Variants in ATXN1 observed in about 807,000 individuals in gnomAD.
ATXN1 encodes the protein ataxin-1.
A neutral mutation model predicts 56.4 loss-of-function variants in ATXN1; 8 were observed. The ratio of observed to expected loss-of-function variants is 0.14; its 90% CI spans 0.08 to 0.26. ATXN1 has a LOEUF of 0.26. ATXN1 is among the 10% of genes least tolerant of loss of function. The pLI is 1.00. For synonymous variants in ATXN1, 514 were observed against 494.6 expected, an observed-to-expected ratio of 1.04 and a Z score of -0.52; for missense variants, 987 against 1,106.5, an observed-to-expected ratio of 0.89 and a Z score of 1.53.
intron 2 of ATXN1, among the ~76,000 whole-genome samples, chr6:16,704,264 C>G (rs1227865818): frequency 3.9e-5 from 6 of 152,142 alleles, no homozygotes. Context: ...TACTCGGGTG[C>G]AAGAGCAATG....
intron 3 of ATXN1, among the ~76,000 whole-genome samples, chr6:16,622,299 G>A (rs1381282140): frequency 3.9e-5 from 6 of 152,178 alleles, no homozygotes; most frequent in African/African-American, 7.2e-5. Context: ...TGCATTAAAC[G>A]GTAAGGAGCT....
intron 6 of ATXN1, among the ~76,000 whole-genome samples, chr6:16,379,047 T>C (rs564640432): frequency 4.6e-5 from 7 of 152,190 alleles, no homozygotes; most frequent in Non-Finnish European, 1.0e-4. Flanking sequence ...AAAGGAACTG[T>C]GGTACATATA....
intron 2 of ATXN1, among the ~76,000 whole-genome samples, chr6:16,748,473 T>C (rs1305591584): frequency 6.6e-6 from 1 of 152,166 alleles, no homozygotes; most frequent in African/African-American, 2.4e-5. Context: ...TTCTATCACT[T>C]AACAGCTGGG....
At chr6:16,594,948 T>C (rs997996287) in intron 3 of ATXN1, among the ~76,000 whole-genome samples, 6 of 152,198 alleles carry the variant, frequency 3.9e-5, no homozygotes, top group Non-Finnish European at 5.9e-5. Flanking sequence ...ATGACTTAGA[T>C]TGGACTGAGG....
At chr6:16,430,735 G>C (rs978948568) in intron 6 of ATXN1, among the ~76,000 whole-genome samples, 3 of 151,872 alleles carry the variant, frequency 2.0e-5, no homozygotes, top group African/African-American at 7.3e-5. Flanking sequence ...GCGTGTGTGT[G>C]TGTGTGTATG....
At chr6:16,716,920 C>A (rs1759653057) in intron 2 of ATXN1, among the ~76,000 whole-genome samples, 1 of 152,200 alleles carries the variant, frequency 6.6e-6, no homozygotes, top group Non-Finnish European at 1.5e-5. Context: ...ATGTCCATCC[C>A]AAAGCCTCTA....
intron 6 of ATXN1, among the ~76,000 whole-genome samples, chr6:16,464,703 C>A (rs780735752): frequency 1.3e-5 from 2 of 150,832 alleles, no homozygotes; most frequent in Non-Finnish European, 2.9e-5. Flanking sequence ...CTGTATGATT[C>A]CAACTTTATG....
At chr6:16,680,689 G>T (rs1393896018) in intron 2 of ATXN1, among the ~76,000 whole-genome samples, 1 of 152,142 alleles carries the variant, frequency 6.6e-6, no homozygotes, top group Non-Finnish European at 1.5e-5. Flanking sequence ...GTTTTTCACT[G>T]TTATATACAA....
Position 16,327,930 on chromosome 6 carries a change from G to A in ATXN1, c.381C>T (p.Phe127=), listed in dbSNP as rs1410967835. The part of the protein sequence containing the change: ...PVQYAHLPHT[F]QFIGSSQYSG... ...TGTATTGGGAGGACCCAATGAACTG[G>A]AAGGTGTGCGGCAGGTGAGCGTACT... The change falls in exon 7 of 8, where the codon TTC becomes TTT. Residue 127 remains phenylalanine, a synonymous_variant. Transcript: ENST00000436367. 1 of 1,611,414 alleles carries A rather than the reference G, an allele frequency of 6.2e-7. No individual in the cohort carries two copies. The highest frequency in any genetic ancestry group is 8.5e-7 in the Non-Finnish European group (1 of 1,179,924).
chr6:16,342,741 C>G (rs1761281923), intron 6 of ATXN1, among the ~76,000 whole-genome samples: 1 of 152,210 alleles, frequency 6.6e-6, no homozygotes, highest in Non-Finnish European at 1.5e-5. Context: ...GATAAATCTT[C>G]AAACATTATG....
chr6:16,428,903 T>A (rs1173538592), intron 6 of ATXN1, among the ~76,000 whole-genome samples: 1 of 152,168 alleles, frequency 6.6e-6, no homozygotes, highest in Non-Finnish European at 1.5e-5. Context: ...GGATGGGAGC[T>A]GGGCCCTGAA....
intron 5 of ATXN1, among the ~76,000 whole-genome samples, chr6:16,505,036 A>C (rs189032232): frequency 7.1e-6 from 1 of 141,746 alleles, no homozygotes; most frequent in Non-Finnish European, 1.5e-5. Flanking sequence ...TCTATTTTCC[A>C]ACTGGGATCA....
At chr6:16,569,568 TCTC>T (rs1418612090) in intron 4 of ATXN1, among the ~76,000 whole-genome samples, 1 of 148,312 alleles carries the variant, frequency 6.7e-6, no homozygotes, top group Non-Finnish European at 1.5e-5. Flanking sequence ...GACTCAGTGG[TCTC>T]CTGCTGTTCC....
At chr6:16,575,055 G>T (rs191099500) in intron 4 of ATXN1, among the ~76,000 whole-genome samples, 2 of 151,930 alleles carry the variant, frequency 1.3e-5, no homozygotes, top group Admixed American at 1.3e-4. Context: ...GAGATGACAC[G>T]CCCTTCTCAG....
chr6:16,753,119 C>T (rs1760774485), intron 2 of ATXN1, 114 bp downstream of exon 2: 1 of 384,128 alleles, frequency 2.6e-6, no homozygotes, highest in Non-Finnish European at 5.2e-6. Flanking sequence ...ACAGAGTTTG[C>T]AAAGAAAATG....
intron 3 of ATXN1, among the ~76,000 whole-genome samples, chr6:16,625,713 C>T (rs1763395508): frequency 6.6e-6 from 1 of 151,932 alleles, no homozygotes; most frequent in Non-Finnish European, 1.5e-5. Context: ...ATCAAGGAGT[C>T]ATCAGAATGC....
At chr6:16,518,844 T>C (rs983136626) in intron 5 of ATXN1, among the ~76,000 whole-genome samples, 22 of 152,172 alleles carry the variant, frequency 1.4e-4, no homozygotes, top group Non-Finnish European at 5.9e-5. Flanking sequence ...AAGGATGATT[T>C]TGGTGCCAGT....
intron 4 of ATXN1, among the ~76,000 whole-genome samples, chr6:16,551,501 T>C (rs1761919867): frequency 6.6e-6 from 1 of 152,054 alleles, no homozygotes. Context: ...GGTGTATGTG[T>C]GTGGGGAGAC....
chr6:16,759,269 TAC>T (rs1166029123), intron 1 of ATXN1, among the ~76,000 whole-genome samples: 1 of 152,276 alleles, frequency 6.6e-6, no homozygotes, highest in Non-Finnish European at 1.5e-5. Context: ...CTTATTTGCA[TAC>T]ACACATTCCC....
Sources: gnomAD v4.1 joint callset for allele counts (sites outside exome capture counted in the v4.1 genomes callset) on GRCh38, gnomAD v4.1.1 for gene constraint, MANE v1.5 for transcripts, NCBI Gene and HGNC (gene_info 2026-07-23, HGNC 2026-07-21) for gene names.